TRPV1: variants seen among roughly 807,000 people sequenced by gnomAD.
The protein encoded by TRPV1 is OTRPC1.
TRPV1 carries 82 observed loss-of-function variants against 82.3 expected under a neutral mutation model. The observed-to-expected ratio is 1.00, with a 90% CI of 0.83 to 1.20. The LOEUF (loss-of-function observed/expected upper bound fraction) is 1.20, where lower values mean the gene tolerates loss of function less well. Among genes scored for constraint, TRPV1 ranks in the 50% most tolerant of loss-of-function variants. TRPV1 has a pLI of 0.00. For missense variants in TRPV1, 1,067 were observed against 1,096.8 expected (o/e 0.97, Z 0.38); for synonymous variants, 515 against 467.7 (o/e 1.10, Z -1.30).
At position 3,586,827 on chromosome 17, in the gene TRPV1, G is replaced by A. The variant is rs145880473; in HGVS notation, c.1225-901C>T. Among the ~76,000 whole-genome samples the A allele has an allele frequency of 3.9e-4, 60 of 152,200 alleles. No homozygotes were observed. The East Asian group carries it at 0.011, about 28-fold the overall frequency. On this transcript the variant is annotated intron_variant, in intron 8 of 16. Transcript: ENST00000572705. The stretch of plus-strand genomic sequence containing the variant: ...GTTCAAGTATCCCTGAGACTGATGA[G>A]CCAAAATCAGATCATCCCAGCCTCC...
At chr17:3,585,689 G>C (rs936946338) in intron 9 of TRPV1, 79 bp downstream of exon 9, 2 of 1,509,916 alleles carry the variant, frequency 1.3e-6, no homozygotes, top group Admixed American at 2.0e-5. Context: ...GCCTGGGGTC[G>C]GGGAGGTCTC....
chr17:3,598,972 C>A (rs1482100158), intron 2 of TRPV1, among the ~76,000 whole-genome samples: 2 of 151,208 alleles, frequency 1.3e-5, no homozygotes, highest in East Asian at 3.9e-4. Flanking sequence ...GGCGCGGTGG[C>A]TCATGCCTGT....
In TRPV1 at chr17:3,591,268, G is replaced by A. The variant is rs1165181171; in HGVS notation, c.370C>T (p.Gln124Ter). 1.9e-6 allele frequency: 3 copies of A among 1,613,186 alleles called. No individual in the cohort carries two copies. Among genetic ancestry groups the A allele is most frequent in the Non-Finnish European group, 2.5e-6 (3 of 1,179,836 alleles). The change falls in exon 4 of 17, where the codon CAG becomes TAG. Residue 124 changes from glutamine to a stop codon, truncating the protein, a stop_gained. Transcript: ENST00000572705. LOFTEE classifies it high-confidence loss of function. ...DRRSIFEAVA[Q>*]NNCQDLESLL... ...CTCTCCAGATCCTGGCAGTTATTCTGAGCAACGGCTTCAAAGATACTCCTG... is the reference window on the plus strand; with the variant it reads ...CTCTCCAGATCCTGGCAGTTATTCTAAGCAACGGCTTCAAAGATACTCCTG...
chr17:3,592,189 G>A lies in TRPV1; in HGVS notation c.162C>T (p.Asp54=). 1 of 1,613,522 alleles carries A rather than the reference G, an allele frequency of 6.2e-7. No homozygotes were observed. The highest frequency in any genetic ancestry group is 1.1e-5 in the South Asian group (1 of 91,012). Reference sequence around the variant, plus strand: ...AATCCACCGGGAAAGCCTCCTCCGAGTCACCCTTCCCAAAGAGCCGGGTGC... The same window carrying A: ...AATCCACCGGGAAAGCCTCCTCCGAATCACCCTTCCCAAAGAGCCGGGTGC... ...KSRTRLFGKG[D]SEEAFPVDCP... Residue 54 remains aspartate (D), a synonymous_variant, in exon 3 of 17, where the codon GAC becomes GAT. Coordinates refer to ENST00000572705, the MANE Select transcript of TRPV1 (RefSeq NM_080704.4).
chr17:3,585,489 C>CA, intron 9 of TRPV1: 1 of 382,406 alleles, frequency 2.6e-6, no homozygotes, highest in Non-Finnish European at 4.9e-6. Context: ...CGTCTACAAT[C>CA]AGGGACCTGA....
Position 3,572,172 on chromosome 17 carries a change from C to T in TRPV1, c.2181G>A (p.Leu727=). ...TGCCATCAGGTGTGTACCCCACCTG[C>T]AGCAGCTTGCCTGAGCGGAAGGCCT... ...MRKAFRSGKL[L]QVGYTPDGKD... Residue 727 remains leucine (L), a synonymous_variant, in exon 15 of 17, where the codon CTG becomes CTA. Transcript: ENST00000572705. 6.2e-7 allele frequency: 1 copy of T among 1,613,678 alleles called. No homozygotes were observed. The highest frequency in any genetic ancestry group is 8.5e-7 in the Non-Finnish European group (1 of 1,179,746).
Position 3,572,166 on chromosome 17 carries a change from C to T in TRPV1, c.2187G>A (p.Val729=), listed in dbSNP as rs201599822. 1.2e-6 allele frequency: 2 copies of T among 1,613,674 alleles called. No homozygotes were observed. The highest frequency in any genetic ancestry group is 2.7e-5 in the African/African-American group (2 of 75,064). Reference sequence around the variant, plus strand: ...CGTCCTTGCCATCAGGTGTGTACCCCACCTGCAGCAGCTTGCCTGAGCGGA... The same window carrying T: ...CGTCCTTGCCATCAGGTGTGTACCCTACCTGCAGCAGCTTGCCTGAGCGGA... The part of the protein sequence containing the change: ...KAFRSGKLLQ[V]GYTPDGKDDY... Residue 729 remains valine (V), a synonymous_variant, in exon 15 of 17, where the codon GTG becomes GTA. Transcript: ENST00000572705.
At chr17:3,582,232 C>T (rs1327114917) in intron 10 of TRPV1, among the ~76,000 whole-genome samples, 1 of 132,054 alleles carries the variant, frequency 7.6e-6, no homozygotes, top group African/African-American at 2.7e-5. Flanking sequence ...GGAGCCTGGG[C>T]ATGGTGATGG....
In TRPV1 at chr17:3,592,240, C is replaced by G; in HGVS notation, c.111G>C (p.Lys37Asn). 6.2e-7 allele frequency: 1 copy of G among 1,610,882 alleles called. No homozygotes were observed. The highest frequency in any genetic ancestry group is 1.1e-5 in the South Asian group (1 of 90,562). ...GDPNSRPPPA[K>N]PQLSTAKSRT... is the part of the protein sequence containing the mutation. ...GGCTCTTGGCCGTGGAGAGCTGGGG[C>G]TTGGCTGGAGGTGGCCTGGAGTTAG... Residue 37 changes from lysine (K) to asparagine (N), a missense_variant, in exon 3 of 17, where the codon AAG becomes AAC. Physicochemically the swap from Lys to Asn is moderately conservative, Grantham distance 94. Coordinates refer to ENST00000572705, the MANE Select transcript of TRPV1 (RefSeq NM_080704.4).
intron 10 of TRPV1, 103 bp downstream of exon 10, chr17:3,583,235 A>G (rs2075043656): frequency 9.8e-7 from 1 of 1,017,604 alleles, no homozygotes; most frequent in Non-Finnish European, 1.5e-6. Flanking sequence ...AAGTAGGGCT[A>G]TGATGTGTCT....
At chr17:3,581,689 A>G (rs1175671759) in intron 10 of TRPV1, among the ~76,000 whole-genome samples, 1 of 150,806 alleles carries the variant, frequency 6.6e-6, no homozygotes, top group Non-Finnish European at 1.5e-5. Context: ...GACCGAGACC[A>G]TCCTGGTTAA....
At position 3,577,175 on chromosome 17, in the gene TRPV1, C is replaced by T. The variant is rs1418489038; in HGVS notation, c.1731G>A (p.Leu577=). 2 of 1,582,550 alleles carry T rather than the reference C, an allele frequency of 1.3e-6. No homozygotes were observed. Among genetic ancestry groups the T allele is most frequent in the African/African-American group, 2.7e-5 (2 of 74,296 alleles). The part of the protein sequence containing the change: ...VMIEKMILRD[L]CRFMFVYIVF... The stretch of plus-strand genomic sequence containing the variant: ...CGATGTAGACAAACATGAAACGGCA[C>T]AGGTCTCTCAGGATCATCTGCAGGA... Residue 577 remains leucine, a synonymous_variant, in exon 13 of 17, where the codon CTG becomes CTA. Coordinates refer to ENST00000572705, the MANE Select transcript of TRPV1 (RefSeq NM_080704.4).
intron 2 of TRPV1, among the ~76,000 whole-genome samples, chr17:3,604,117 G>A (rs577999527): frequency 6.6e-6 from 1 of 152,262 alleles, no homozygotes; most frequent in Admixed American, 6.5e-5. Flanking sequence ...GATGGCGTAT[G>A]TGTCACCAGG....
chr17:3,589,777 G>A (rs556354853), intron 7 of TRPV1, 30 bp downstream of exon 7: 42 of 1,588,746 alleles, frequency 2.6e-5, no homozygotes, highest in South Asian at 2.6e-4. Context: ...GCCCCGCACC[G>A]CACCAGCCTG....
chr17:3,596,503 G>A (rs1014772588), intron 2 of TRPV1, among the ~76,000 whole-genome samples: 42 of 152,218 alleles, frequency 2.8e-4, no homozygotes, highest in African/African-American at 8.7e-4. Flanking sequence ...AGGACCCAGT[G>A]TGCCTGCTTC....
At chr17:3,604,971 A>G (rs2075287739) in intron 2 of TRPV1, among the ~76,000 whole-genome samples, 2 of 152,192 alleles carry the variant, frequency 1.3e-5, no homozygotes, top group Admixed American at 6.5e-5. Flanking sequence ...ACGTCCAGCC[A>G]CAACTCCTAT....
In TRPV1 at chr17:3,589,885, C is replaced by CGG. The variant is rs770860712; in HGVS notation, c.964_965dup (p.Thr323ArgfsTer3). The stretch of plus-strand genomic sequence containing the variant: ...TGGTGAGCTCCTCCAGCTTCAGCGT[C>CGG]GGGTGCAGTTTGGCCCCCAGCATCA... On this transcript the variant is annotated frameshift_variant, in exon 7 of 17. Coordinates refer to ENST00000572705, the MANE Select transcript of TRPV1 (RefSeq NM_080704.4). LOFTEE classifies it high-confidence loss of function. The CGG allele has an allele frequency of 1.8e-5, 29 of 1,610,594 alleles. 1 individual carries two copies. The Middle Eastern group carries it at 3.6e-3, about 201-fold the overall frequency.
rs1319480354 is a variant in TRPV1, at chr17:3,590,391, G to C, written c.606C>G (p.Gly202=). The C allele has an allele frequency of 1.2e-6, 2 of 1,613,352 alleles. No individual in the cohort carries two copies. Among genetic ancestry groups the C allele is most frequent in the Admixed American group, 1.7e-5 (1 of 59,826 alleles). ...NASYTDSYYK[G]QTALHIAIER... is the part of the protein sequence containing the mutation. ...CGATGGCGATGTGCAGTGCTGTCTGGCCTACAGAGGACGCGCACGGTTGGC... is the reference window on the plus strand; with the variant it reads ...CGATGGCGATGTGCAGTGCTGTCTGCCCTACAGAGGACGCGCACGGTTGGC... Residue 202 remains glycine, a splice_region_variant and synonymous_variant, in exon 6 of 17, where the codon GGC becomes GGG. Transcript: ENST00000572705.
In TRPV1 at chr17:3,571,514, CACGCCT is replaced by C; in HGVS notation, c.2347+4_2347+9del. ...CAAGGAGGCGCCAAGCACCGGCCCT[CACGCCT>C]CACCTCTGCTTGACCGCAGGGAGAA... On this transcript the variant is annotated splice_donor_5th_base_variant and intron_variant, in intron 16 of 16. Coordinates refer to ENST00000572705, the MANE Select transcript of TRPV1 (RefSeq NM_080704.4). 6.3e-7 allele frequency: 1 copy of C among 1,579,996 alleles called. No individual in the cohort carries two copies. The highest frequency in any genetic ancestry group is 8.6e-7 in the Non-Finnish European group (1 of 1,162,232).
Sources: allele counts gnomAD v4.1 joint callset (sites outside exome capture counted in the v4.1 genomes callset), GRCh38; gene constraint gnomAD v4.1.1; transcripts MANE v1.5; gene names NCBI Gene and HGNC (gene_info 2026-07-23, HGNC 2026-07-21).